GAK: variants seen among roughly 807,000 people sequenced by gnomAD.
GAK encodes cyclin-G-associated kinase.
A neutral mutation model predicts 143.9 loss-of-function variants in GAK; 79 were observed. The observed-to-expected ratio is 0.55, with a 90% confidence interval of 0.46 to 0.66. GAK has a LOEUF of 0.66. Among genes scored for constraint, GAK ranks in the 30% least tolerant of loss-of-function variants. GAK has a pLI of 0.00. For missense variants in GAK, 1,693 were observed against 1,779.7 expected (o/e 0.95, Z 0.88); for synonymous variants, 881 against 765.5 (o/e 1.15, Z -2.49).
rs79029749 is a variant in GAK, at chr4:868,576, C to T, written c.2358G>A (p.Ala786=). 1.2e-4 allele frequency: 187 copies of T among 1,606,416 alleles called. No individual in the cohort carries two copies. Among genetic ancestry groups the T allele is most frequent in the East Asian group, 3.4e-4 (15 of 44,390 alleles). Residue 786 remains alanine, a synonymous_variant, in exon 20 of 28, where the codon GCG becomes GCA. Coordinates refer to ENST00000314167, the MANE Select transcript of GAK (RefSeq NM_005255.4). ...GCGTGTGCAGGAAGCGACTGGCGTC[C>T]GCGCTGCTGCTTGGCGGTGAGTCAG... ...TDSDSPPSSS[A]DASRFLHTLD... is the part of the protein sequence containing the mutation.
intron 5 of GAK, among the ~76,000 whole-genome samples, chr4:903,752 G>A (rs574206000): frequency 5.3e-5 from 8 of 151,002 alleles, no homozygotes; most frequent in Admixed American, 5.3e-4. Context: ...CAGGAATAGG[G>A]TCCTGAACTG....
intron 5 of GAK, among the ~76,000 whole-genome samples, chr4:900,633 C>G (rs1354888303): frequency 6.6e-6 from 1 of 152,132 alleles, no homozygotes; most frequent in African/African-American, 2.4e-5. Flanking sequence ...GCACCTTCCA[C>G]GGGCAGGACT....
chr4:902,555 A>T lies in GAK; in HGVS notation c.525+2082T>A, dbSNP rs1267659113. On this transcript the variant is annotated intron_variant, in intron 5 of 27. Coordinates refer to ENST00000314167, the MANE Select transcript of GAK (RefSeq NM_005255.4). ...GGCCGAGGCGGCAGTGAGCCCCGTC[A>T]GTGCCGCTGCACTCCAGCCTGGGCT... 8.3e-5 allele frequency among the ~76,000 whole-genome samples: 11 copies of T among 131,788 alleles called. No individual in the cohort carries two copies. The Admixed American group carries it at 9.4e-4, about 11-fold the overall frequency. The allele number at this position is 131,788 out of a possible 152,430, so 86.5% of individuals were successfully genotyped here. A position where few individuals can be genotyped will look rare whatever the true frequency, so the allele number is the denominator to read the frequency against.
intron 14 of GAK, 82 bp from the exon 15 acceptor site, chr4:882,122 C>G (rs544165450): frequency 4.3e-5 from 63 of 1,449,818 alleles, no homozygotes; most frequent in Non-Finnish European, 5.2e-5. Context: ...ATCCTACCCA[C>G]CCTGTGGCTG....
At chr4:906,001 C>T (rs987743234) in intron 4 of GAK, among the ~76,000 whole-genome samples, 2 of 152,242 alleles carry the variant, frequency 1.3e-5, no homozygotes, top group Non-Finnish European at 2.9e-5. Flanking sequence ...CAAGCGTCAC[C>T]GAAGCAACAA....
chr4:882,774 T>A lies in GAK; in HGVS notation c.1450A>T (p.Thr484Ser). ...ATGTTCCTGCAGATGTTGTACAGGG[T>A]GTGCAGGTGTGGGGCCCGCCGTGCT... ...WAARRAPHLH[T>S]LYNICRNMHA... is the part of the protein sequence containing the mutation. The change falls in exon 14 of 28, where the codon ACC becomes TCC. Residue 484 changes from threonine (T) to serine (S), a missense_variant. Around this residue, in one of 2 missense-constraint regions of GAK, gnomAD observed 871 missense variants for 991.0 expected, o/e 0.88. Transcript: ENST00000314167. 1 of 1,611,454 alleles carries A rather than the reference T, an allele frequency of 6.2e-7. No individual in the cohort carries two copies. The highest frequency in any genetic ancestry group is 8.5e-7 in the Non-Finnish European group (1 of 1,179,920).
At chr4:881,829 A>T in intron 15 of GAK, 78 bp downstream of exon 15, 8 of 1,469,628 alleles carry the variant, frequency 5.4e-6, no homozygotes, top group Middle Eastern at 2.4e-4. Flanking sequence ...CTGGCCCTCC[A>T]GGAGACACCA....
At position 904,758 on chromosome 4, in the gene GAK, T is replaced by C. The variant is rs763174936; in HGVS notation, c.404A>G (p.Lys135Arg). ...AAGGGGGCCTCGAGATTCCATTTTC[T>C]TCAAAAATTCCACCAGCTGCCCTAA... ...LCKGQLVEFL[K>R]KMESRGPLSC... Residue 135 changes from lysine to arginine, a missense_variant, in exon 5 of 28, where the codon AAG becomes AGG. Physicochemically the swap from Lys to Arg is conservative, Grantham distance 26 (BLOSUM62 2). Around this residue, in one of 2 missense-constraint regions of GAK, gnomAD observed 871 missense variants for 991.0 expected, o/e 0.88. Transcript: ENST00000314167. 1.9e-6 allele frequency: 3 copies of C among 1,614,128 alleles called. No homozygotes were observed. Among genetic ancestry groups the C allele is most frequent in the Non-Finnish European group, 1.7e-6 (2 of 1,179,978 alleles).
chr4:896,993 G>A (rs1277598314), intron 6 of GAK, among the ~76,000 whole-genome samples: 1 of 152,220 alleles, frequency 6.6e-6, no homozygotes, highest in Admixed American at 6.5e-5. Flanking sequence ...AAGCTCACCC[G>A]ACTGGTTCAA....
rs1367140667 is a variant in GAK, at chr4:881,900, G to A, written c.1661+7C>T. On this transcript the variant is annotated splice_region_variant and intron_variant, in intron 15 of 27. Coordinates refer to ENST00000314167, the MANE Select transcript of GAK (RefSeq NM_005255.4). ...CTGTCCCCTGTCCCCGGAGGGCCAC[G>A]CAGTACCTTTTGTGGGATGGCCAGA... is the stretch of plus-strand genomic sequence containing the variant. The A allele has an allele frequency of 1.3e-5, 20 of 1,579,404 alleles. No individual in the cohort carries two copies. Among genetic ancestry groups the A allele is most frequent in the Admixed American group, 3.6e-5 (2 of 55,504 alleles).
chr4:866,624 C>T (rs963830866), intron 21 of GAK, 90 bp from the exon 22 acceptor site: 8 of 1,426,046 alleles, frequency 5.6e-6, no homozygotes, highest in Non-Finnish European at 6.7e-6. Context: ...CCCAAGAGGC[C>T]ACTCCAGCTG....
At chr4:919,198 T>C (rs1248192004) in intron 1 of GAK, among the ~76,000 whole-genome samples, 2 of 148,462 alleles carry the variant, frequency 1.3e-5, no homozygotes, top group Non-Finnish European at 3.0e-5. Flanking sequence ...CAGTGTTGCA[T>C]GACCTTAGCA....
At chr4:862,917 T>C (rs545203922) in intron 23 of GAK, among the ~76,000 whole-genome samples, 1 of 152,338 alleles carries the variant, frequency 6.6e-6, no homozygotes, top group African/African-American at 2.4e-5. Flanking sequence ...TAACACAACA[T>C]CTGTTCTGCA....
At chr4:911,111 A>G (rs1300905681) in intron 4 of GAK, among the ~76,000 whole-genome samples, 1 of 152,132 alleles carries the variant, frequency 6.6e-6, no homozygotes, top group Non-Finnish European at 1.5e-5. Context: ...CAAACGGACC[A>G]TGGAGTCGTT....
intron 24 of GAK, among the ~76,000 whole-genome samples, chr4:857,934 T>C (rs1428955046): frequency 6.6e-6 from 1 of 152,228 alleles, no homozygotes; most frequent in Non-Finnish European, 1.5e-5. Context: ...TGGGCTTTCC[T>C]AGGCTGCACT....
intron 1 of GAK, among the ~76,000 whole-genome samples, chr4:918,671 A>C (rs552758431): frequency 2.0e-5 from 3 of 152,278 alleles, no homozygotes; most frequent in Non-Finnish European, 4.4e-5. Flanking sequence ...CAATTAAAAA[A>C]TATATTAAAC....
intron 4 of GAK, among the ~76,000 whole-genome samples, chr4:907,830 C>A (rs1185791333): frequency 6.6e-6 from 1 of 152,254 alleles, no homozygotes; most frequent in African/African-American, 2.4e-5. Flanking sequence ...CAGCTCTCAG[C>A]CGCACATGCT....
chr4:912,267 C>T (rs370948729), intron 3 of GAK: 3 of 422,260 alleles, frequency 7.1e-6, no homozygotes, highest in Admixed American at 2.5e-5. Flanking sequence ...GGGAGTGCAG[C>T]CCCCAGATCC....
chr4:866,138 A>C (rs1040995262), intron 22 of GAK, among the ~76,000 whole-genome samples: 1 of 152,248 alleles, frequency 6.6e-6, no homozygotes, highest in Non-Finnish European at 1.5e-5. Context: ...GCAGGGCCCC[A>C]CAACCTGTTC....
Sources: allele counts gnomAD v4.1 joint callset (sites outside exome capture counted in the v4.1 genomes callset), GRCh38; gene constraint gnomAD v4.1.1; regional missense constraint gnomAD v4.1.1; transcripts MANE v1.5; gene names NCBI Gene and HGNC (gene_info 2026-07-23, HGNC 2026-07-21).